DEFB104B: variants seen among roughly 807,000 people sequenced by gnomAD.
DEFB104B encodes the protein beta-defensin 104.
At chr8:7,474,730 G>C (rs545157525) in intron 1 of DEFB104B, among the ~76,000 whole-genome samples, 1 of 139,238 alleles carries the variant, frequency 7.2e-6, no homozygotes, top group East Asian at 2.0e-4. Context: ...ATGAGGAATT[G>C]TTACCGTGTG....
At chr8:7,473,127 G>C (rs1389651171) in intron 1 of DEFB104B, among the ~76,000 whole-genome samples, 4 of 141,400 alleles carry the variant, frequency 2.8e-5, no homozygotes, top group African/African-American at 1.0e-4. Flanking sequence ...AAAATGCTGA[G>C]ATTACAGGTG....
intron 1 of DEFB104B, among the ~76,000 whole-genome samples, chr8:7,471,187 T>G (rs1810929962): frequency 6.9e-6 from 1 of 145,538 alleles, no homozygotes; most frequent in Non-Finnish European, 1.5e-5. Flanking sequence ...TATACACATA[T>G]ATAGAGAGAG....
intron 1 of DEFB104B, among the ~76,000 whole-genome samples, chr8:7,472,964 C>A (rs1371324115): frequency 9.3e-6 from 1 of 107,516 alleles, no homozygotes; most frequent in East Asian, 3.7e-4. Flanking sequence ...TCAAGCGATT[C>A]TCCTGCCTCC....
At chr8:7,471,443 C>T (rs1471337830) in intron 1 of DEFB104B, among the ~76,000 whole-genome samples, 2 of 14,604 alleles carry the variant, frequency 1.4e-4, no homozygotes, top group Non-Finnish European at 2.9e-4. Context: ...TAGAAAGGAG[C>T]AGAATCCTGA....
intron 1 of DEFB104B, among the ~76,000 whole-genome samples, chr8:7,471,068 T>G (rs1330373709): frequency 2.6e-5 from 4 of 152,096 alleles, no homozygotes; most frequent in Admixed American, 1.3e-4. Context: ...GTCCTCTTCG[T>G]GTATTCAAAT....
intron 1 of DEFB104B, among the ~76,000 whole-genome samples, chr8:7,472,082 G>A (rs1412351878): frequency 6.7e-6 from 1 of 149,770 alleles, no homozygotes; most frequent in Non-Finnish European, 1.5e-5. Flanking sequence ...TTTGCTGTAG[G>A]CTTCATTCAA....
chr8:7,473,041 G>A (rs1421205444), intron 1 of DEFB104B, among the ~76,000 whole-genome samples: 1 of 141,930 alleles, frequency 7.0e-6, no homozygotes, highest in Non-Finnish European at 1.5e-5. Context: ...ATTTTTAGTA[G>A]AGACGAGGTT....
chr8:7,472,619 T>A (rs1415758473), intron 1 of DEFB104B, among the ~76,000 whole-genome samples: 10 of 127,142 alleles, frequency 7.9e-5, no homozygotes, highest in African/African-American at 3.2e-4. Flanking sequence ...GCATAAGCAA[T>A]TTTCCTCCTC....
At chr8:7,471,961 C>A (rs1251712350) in intron 1 of DEFB104B, among the ~76,000 whole-genome samples, 1 of 150,776 alleles carries the variant, frequency 6.6e-6, no homozygotes, top group East Asian at 1.9e-4. Context: ...GTTCTTTGTC[C>A]AGGATGTAGG....
Position 7,472,817 on chromosome 8 carries a change from T to G in DEFB104B, c.58+2194A>C, listed in dbSNP as rs2740007. On this transcript the variant is annotated intron_variant, in intron 1 of 1. Coordinates refer to ENST00000316169, the MANE Select transcript of DEFB104B (RefSeq NM_001040702.1). ...TAGGGAGACATAATACATCAATCAA[T>G]ACGTGTAAGATTTGCTTTGTTTTTT... is the stretch of plus-strand genomic sequence containing the variant. Among the ~76,000 whole-genome samples the G allele has an allele frequency of 8.8e-3, 1,154 of 131,096 alleles. 36 individuals are homozygous for G. The highest frequency in any genetic ancestry group is 0.022 in the African/African-American group (686 of 31,036). The allele number at this position is 131,096 out of a possible 152,430, so 86.0% of individuals were successfully genotyped here.
At chr8:7,474,145 C>T (rs1167634833) in intron 1 of DEFB104B, among the ~76,000 whole-genome samples, 6 of 141,550 alleles carry the variant, frequency 4.2e-5, no homozygotes, top group Middle Eastern at 3.7e-3. Flanking sequence ...AAGATGGGTG[C>T]TGGGTGTCTG....
intron 1 of DEFB104B, among the ~76,000 whole-genome samples, chr8:7,472,431 C>T (rs78706596): frequency 1.3e-4 from 17 of 135,120 alleles, no homozygotes; most frequent in Non-Finnish European, 1.2e-4. Context: ...ACTAATCTGA[C>T]GTCACACAGC....
chr8:7,474,695 G>C (rs1232073021), intron 1 of DEFB104B, among the ~76,000 whole-genome samples: 1 of 140,824 alleles, frequency 7.1e-6, no homozygotes, highest in Non-Finnish European at 1.6e-5. Flanking sequence ...AGCATGGCTA[G>C]TGAGTCCTCA....
intron 1 of DEFB104B, among the ~76,000 whole-genome samples, chr8:7,474,265 TA>T (rs1184330349): frequency 2.1e-5 from 3 of 146,026 alleles, no homozygotes; most frequent in South Asian, 2.2e-4. Flanking sequence ...TAAGCAACTC[TA>T]AAAATCTTAT....
chr8:7,474,675 C>T (rs1811066515), intron 1 of DEFB104B, among the ~76,000 whole-genome samples: 1 of 141,114 alleles, frequency 7.1e-6, no homozygotes, highest in Non-Finnish European at 1.6e-5. Context: ...TGCTGCCCTG[C>T]AATGGAACAA....
At chr8:7,471,041 T>C (rs1810919865) in intron 1 of DEFB104B, among the ~76,000 whole-genome samples, 3 of 151,928 alleles carry the variant, frequency 2.0e-5, no homozygotes, top group Non-Finnish European at 4.4e-5. Context: ...TTCCCAATAT[T>C]GGGCAAATCT....
At position 7,474,908 on chromosome 8, in the gene DEFB104B, G is replaced by T. The variant is rs549037755; in HGVS notation, c.58+103C>A. ...AGAAAAAAGGCTGAGATTGAAGAAG[G>T]TTACTCCATCCTTCAGGATTTATTT... On this transcript the variant is annotated intron_variant, in intron 1 of 1. Transcript: ENST00000316169. The T allele has an allele frequency of 3.3e-3, 1,491 of 446,738 alleles. 101 individuals are homozygous for T. Among genetic ancestry groups the T allele is most frequent in the African/African-American group, 0.028 (1,338 of 47,600 alleles). The allele number at this position is 446,738 out of a possible 1,614,324, so 27.7% of individuals were successfully genotyped here.
intron 1 of DEFB104B, among the ~76,000 whole-genome samples, chr8:7,472,819 C>G: frequency 1.5e-5 from 2 of 134,566 alleles, no homozygotes; most frequent in Middle Eastern, 8.5e-3. Context: ...TCAATCAATA[C>G]GTGTAAGATT....
rs564116597 is a variant in DEFB104B, at chr8:7,474,233, G to A, written c.58+778C>T. 5.3e-4 allele frequency among the ~76,000 whole-genome samples: 77 copies of A among 145,228 alleles called. 1 individual carries two copies. The South Asian group carries it at 6.1e-3, about 11-fold the overall frequency. ...TCTACGAGTCAAAACAATTGGTTTC[G>A]TCCCAGCACTGCTAGACTTGTTAAG... On this transcript the variant is annotated intron_variant, in intron 1 of 1. Coordinates refer to ENST00000316169, the MANE Select transcript of DEFB104B (RefSeq NM_001040702.1).
Sources: allele counts gnomAD v4.1 joint callset (sites outside exome capture counted in the v4.1 genomes callset), GRCh38; gene constraint gnomAD v4.1.1; transcripts MANE v1.5; gene names NCBI Gene and HGNC (gene_info 2026-07-23, HGNC 2026-07-21).